GOLGA6L6: variants seen among roughly 807,000 people sequenced by gnomAD.
GOLGA6L6 encodes golgin subfamily A member 6-like protein 6.
In GOLGA6L6, 12 loss-of-function variants were observed where a neutral mutation model predicts 75.6. The ratio of observed to expected loss-of-function variants is 0.16; its 90% CI spans 0.10 to 0.26. The LOEUF is 0.26. Among genes scored for constraint, GOLGA6L6 ranks in the 10% least tolerant of loss-of-function variants. The pLI, the probability that GOLGA6L6 is intolerant of heterozygous loss-of-function variation, is 1.00. For missense variants in GOLGA6L6, 144 were observed against 598.5 expected (o/e 0.24, Z 7.92); for synonymous variants, 38 against 179.2 (o/e 0.21, Z 6.29).
rs1890482059 is a variant in GOLGA6L6, at chr15:20,541,763, C to G, written c.-54G>C. The stretch of plus-strand genomic sequence containing the variant: ...CAGTCACCTCTACGTCGCTGTGTGA[C>G]TGAGCCAGAGGAGGCGTAACCAGGG... On this transcript the variant is annotated 5_prime_UTR_variant, in exon 1 of 9. Coordinates refer to ENST00000619213, the MANE Select transcript of GOLGA6L6 (RefSeq NM_001145004.2). The G allele has an allele frequency of 5.2e-6, 2 of 388,048 alleles. No homozygotes were observed. Among genetic ancestry groups the G allele is most frequent in the Non-Finnish European group, 9.6e-6 (2 of 209,424 alleles). The allele number at this position is 388,048 out of a possible 1,614,324, so 24.0% of individuals were successfully genotyped here. A position where few individuals can be genotyped will look rare whatever the true frequency, so the allele number is the denominator to read the frequency against.
At chr15:20,538,612 G>A (rs1417538174) in intron 3 of GOLGA6L6, 24 bp downstream of exon 3, 2 of 1,133,630 alleles carry the variant, frequency 1.8e-6, no homozygotes, top group East Asian at 2.5e-5. Context: ...GAGGGCAGGA[G>A]GGAACTTCAC....
chr15:20,537,599 G>C (rs1277014830), intron 5 of GOLGA6L6, among the ~76,000 whole-genome samples: 2 of 147,322 alleles, frequency 1.4e-5, no homozygotes, highest in Non-Finnish European at 3.0e-5. Context: ...AAAAACATGC[G>C]GTATTAAAGG....
Position 20,534,850 on chromosome 15 carries a change from A to G in GOLGA6L6, c.1584T>C (p.His528=), listed in dbSNP as rs373146154. The change falls in exon 8 of 9, where the codon CAT becomes CAC. Residue 528 remains histidine, a synonymous_variant. Coordinates refer to ENST00000619213, the MANE Select transcript of GOLGA6L6 (RefSeq NM_001145004.2). ...CCTCCTCCCATATCTTCTCCTGCTCATGCATCTTCTCTTCCTCCCTCCACA... is the reference window on the plus strand; with the variant it reads ...CCTCCTCCCATATCTTCTCCTGCTCGTGCATCTTCTCTTCCTCCCTCCACA... ...EEMWREEEKM[H]EQEKIWEEEK... is the part of the protein sequence containing the mutation. 0.098 allele frequency: 90,953 copies of G among 928,962 alleles called. 3,065 individuals carry two copies. The highest frequency in any genetic ancestry group is 0.4 in the East Asian group (12,204 of 30,224). 57.5% of individuals were successfully genotyped at this position (928,962 alleles called of 1,614,324 possible).
chr15:20,536,244 C>T (rs1890367676), intron 7 of GOLGA6L6, 98 bp downstream of exon 7: 3 of 252,734 alleles, frequency 1.2e-5, no homozygotes, highest in Admixed American at 2.0e-4. Context: ...CCAAATTTTC[C>T]AGCTCTTGGC....
intron 5 of GOLGA6L6, among the ~76,000 whole-genome samples, chr15:20,537,544 C>G (rs1329101983): frequency 4.7e-5 from 7 of 148,400 alleles, no homozygotes; most frequent in Non-Finnish European, 9.0e-5. Flanking sequence ...ATCCTCACAA[C>G]CTCCATAGGA....
Position 20,534,484 on chromosome 15 carries a change from C to G in GOLGA6L6, c.1950G>C (p.Lys650Asn). ...GTATCTTCTTCTCCTGCTCCCTTAT[C>G]TTCTCCTCCTGCCTCCACATCGTCT... ...QEETMWRQEE[K>N]IREQEKKIRE... The change falls in exon 8 of 9, where the codon AAG (lysine) becomes AAC (asparagine). Residue 650 changes from lysine (K) to asparagine (N), a missense_variant. Transcript: ENST00000619213. 6.8e-7 allele frequency: 1 copy of G among 1,464,850 alleles called. No homozygotes were observed. Among genetic ancestry groups the G allele is most frequent in the Non-Finnish European group, 9.1e-7 (1 of 1,099,822 alleles). The allele number at this position is 1,464,850 out of a possible 1,614,324, so 90.7% of individuals were successfully genotyped here.
At chr15:20,533,721 G>A in intron 8 of GOLGA6L6, 119 bp from the exon 9 acceptor site, 1 of 21,648 alleles carries the variant, frequency 4.6e-5, no homozygotes, top group East Asian at 8.7e-4. Context: ...GGCCATCTCG[G>A]CCACCGCTTC....
At chr15:20,535,971 C>CG (rs1183296231) in intron 7 of GOLGA6L6, among the ~76,000 whole-genome samples, 1 of 57,808 alleles carries the variant, frequency 1.7e-5, no homozygotes, top group Non-Finnish European at 3.6e-5. Context: ...GGCGTGAAGC[C>CG]GGGGGGTGGA....
rs1370767894 is a variant in GOLGA6L6 at position 20,539,144 on chromosome 15, T to C, written c.292-458A>G. Among the ~76,000 whole-genome samples, 2 of 54,442 alleles carry C rather than the reference T, an allele frequency of 3.7e-5. 1 individual carries two copies. Among genetic ancestry groups the C allele is most frequent in the Non-Finnish European group, 7.5e-5 (2 of 26,716 alleles). 35.7% of individuals were successfully genotyped at this position (54,442 alleles called of 152,430 possible). A position where few individuals can be genotyped will look rare whatever the true frequency, so the allele number is the denominator to read the frequency against. On this transcript the variant is annotated intron_variant, in intron 2 of 8. Transcript: ENST00000619213. ...CCTCAACTCCCAAAGAAGAAGGATT[T>C]GGGTCTTTTTGGTTTTTGCCCACAG...
rs1279046442 is a variant in GOLGA6L6 at position 20,534,876 on chromosome 15, TCTC to T, written c.1555_1557del (p.Glu519del). On this transcript the variant is annotated inframe_deletion, in exon 8 of 9. Coordinates refer to ENST00000619213, the MANE Select transcript of GOLGA6L6 (RefSeq NM_001145004.2). Reference sequence around the variant, plus strand: ...TGCATCTTCTCTTCCTCCCTCCACATCTCCTCCTGCTCCCGTATCTTCTCCTCC... The same window carrying T: ...TGCATCTTCTCTTCCTCCCTCCACATCTCCTGCTCCCGTATCTTCTCCTCC... 7.9e-7 allele frequency: 1 copy of T among 1,269,408 alleles called. No individual in the cohort carries two copies. Among genetic ancestry groups the T allele is most frequent in the Admixed American group, 2.2e-5 (1 of 45,704 alleles). The allele number at this position is 1,269,408 out of a possible 1,614,324, so 78.6% of individuals were successfully genotyped here. A position where few individuals can be genotyped will look rare whatever the true frequency, so the allele number is the denominator to read the frequency against.
chr15:20,534,853 C>G lies in GOLGA6L6; in HGVS notation c.1581G>C (p.Met527Ile). The change falls in exon 8 of 9, where the codon ATG becomes ATC. Residue 527 changes from methionine to isoleucine, a missense_variant. Met to Ile is a conservative substitution (Grantham distance 10). Transcript: ENST00000619213. ...CCTCCCATATCTTCTCCTGCTCATGCATCTTCTCTTCCTCCCTCCACATCT... is the reference window on the plus strand; with the variant it reads ...CCTCCCATATCTTCTCCTGCTCATGGATCTTCTCTTCCTCCCTCCACATCT... ...QEEMWREEEK[M>I]HEQEKIWEEE... 8.2e-7 allele frequency: 1 copy of G among 1,216,020 alleles called. No homozygotes were observed. Among genetic ancestry groups the G allele is most frequent in the Non-Finnish European group, 1.1e-6 (1 of 869,968 alleles). 75.3% of individuals were successfully genotyped at this position (1,216,020 alleles called of 1,614,324 possible).
Position 20,534,590 on chromosome 15 carries a change from A to ATCTCCTCCTGCTCTCGTATCT in GOLGA6L6, c.1823_1843dup (p.Lys608_Glu614dup), listed in dbSNP as rs773626823. The ATCTCCTCCTGCTCTCGTATCT allele has an allele frequency of 2.7e-6, 4 of 1,500,916 alleles. No individual in the cohort carries two copies. The highest frequency in any genetic ancestry group is 2.1e-5 in the Admixed American group (1 of 46,672). The allele number at this position is 1,500,916 out of a possible 1,614,324, so 93.0% of individuals were successfully genotyped here. ...CATCTTCTCTTCCTGTTCCTGCGTC[A>ATCTCCTCCTGCTCTCGTATCT]TCTCCTCCTGCTCTCGTATCTTCTC... On this transcript the variant is annotated inframe_insertion, in exon 8 of 9. Transcript: ENST00000619213.
In GOLGA6L6 at chr15:20,534,437, C is replaced by G; in HGVS notation, c.1997G>C (p.Arg666Pro). The change falls in exon 8 of 9, where the codon CGA becomes CCA. Residue 666 changes from arginine (R) to proline (P), a missense_variant. Coordinates refer to ENST00000619213, the MANE Select transcript of GOLGA6L6 (RefSeq NM_001145004.2). ...KKIREQEEKIREQEEMMQEQE... is the reference protein window; with the variant it reads ...KKIREQEEKIPEQEEMMQEQE... The stretch of plus-strand genomic sequence containing the variant: ...TTCCTGCATCATCTCCTCCTGCTCT[C>G]GTATCTTCTCCTCCTGCTCCCGTAT... The G allele has an allele frequency of 7.0e-7, 1 of 1,425,428 alleles. No individual in the cohort carries two copies. The highest frequency in any genetic ancestry group is 9.4e-7 in the Non-Finnish European group (1 of 1,067,532). The allele number at this position is 1,425,428 out of a possible 1,614,324, so 88.3% of individuals were successfully genotyped here. A position where few individuals can be genotyped will look rare whatever the true frequency, so the allele number is the denominator to read the frequency against.
intron 7 of GOLGA6L6, among the ~76,000 whole-genome samples, chr15:20,535,977 G>A (rs1890362867): frequency 5.3e-5 from 3 of 57,130 alleles, no homozygotes; most frequent in African/African-American, 2.1e-4. Context: ...AAGCCGGGGG[G>A]TGGAGCTTGC....
intron 2 of GOLGA6L6, 64 bp from the exon 3 acceptor site, chr15:20,538,750 GC>G: frequency 2.2e-6 from 3 of 1,394,590 alleles, no homozygotes; most frequent in Non-Finnish European, 2.0e-6. Flanking sequence ...CAAGAGACAT[GC>G]CCCCAGAATG....
At position 20,532,606 on chromosome 15, in the gene GOLGA6L6, C is replaced by T. The variant is rs1452581372; in HGVS notation, c.*997G>A. The T allele has an allele frequency of 2.8e-5, 4 of 141,424 alleles. No individual in the cohort carries two copies. The highest frequency in any genetic ancestry group is 1.1e-4 in the African/African-American group (4 of 36,814). The allele number at this position is 141,424 out of a possible 1,614,324, so 8.8% of individuals were successfully genotyped here. The stretch of plus-strand genomic sequence containing the variant: ...TTACGGATTCGCCTCCCCACAAGAG[C>T]AGTTAGAAAAACTGGATAAAAATGT... On this transcript the variant is annotated 3_prime_UTR_variant, in exon 9 of 9. Coordinates refer to ENST00000619213, the MANE Select transcript of GOLGA6L6 (RefSeq NM_001145004.2).
At position 20,538,690 on chromosome 15, in the gene GOLGA6L6, T is replaced by A; in HGVS notation, c.292-4A>T. On this transcript the variant is annotated splice_polypyrimidine_tract_variant and splice_region_variant and intron_variant, in intron 2 of 8. Transcript: ENST00000619213. Reference sequence around the variant, plus strand: ...GTTGATGGCTTGCCTTCTGTTCCTATAGAAAGAGGAAAACAGAGCTCTTGC... The same window carrying A: ...GTTGATGGCTTGCCTTCTGTTCCTAAAGAAAGAGGAAAACAGAGCTCTTGC... 1 of 1,375,890 alleles carries A rather than the reference T, an allele frequency of 7.3e-7. No individual in the cohort carries two copies. Among genetic ancestry groups the A allele is most frequent in the Non-Finnish European group, 1.0e-6 (1 of 1,003,134 alleles). The allele number at this position is 1,375,890 out of a possible 1,614,324, so 85.2% of individuals were successfully genotyped here.
Position 20,536,469 on chromosome 15 carries a change from TC to T in GOLGA6L6, c.616del (p.Glu206SerfsTer2). 1.1e-6 allele frequency: 1 copy of T among 935,624 alleles called. No individual in the cohort carries two copies. Among genetic ancestry groups the T allele is most frequent in the Non-Finnish European group, 1.4e-6 (1 of 695,394 alleles). 58.0% of individuals were successfully genotyped at this position (935,624 alleles called of 1,614,324 possible). A position where few individuals can be genotyped will look rare whatever the true frequency, so the allele number is the denominator to read the frequency against. On this transcript the variant is annotated frameshift_variant, in exon 7 of 9. Coordinates refer to ENST00000619213, the MANE Select transcript of GOLGA6L6 (RefSeq NM_001145004.2). LOFTEE classifies it high-confidence loss of function. Reference sequence around the variant, plus strand: ...TAGTTCGGCATTTTTCTCCTTCAGCTCCTCATCAGTTATCCTATGGCCAGAG... The same window carrying T: ...TAGTTCGGCATTTTTCTCCTTCAGCTCTCATCAGTTATCCTATGGCCAGAG... ...ELYRNTITDE[E>X]LKEKNAELQE...
chr15:20,538,664 T>A lies in GOLGA6L6; in HGVS notation c.314A>T (p.His105Leu). The change falls in exon 3 of 9, where the codon CAT becomes CTT. Residue 105 changes from histidine (H) to leucine (L), a missense_variant. Coordinates refer to ENST00000619213, the MANE Select transcript of GOLGA6L6 (RefSeq NM_001145004.2). ...PEDEQKASHQ[H>L]QEALRRELEA... ...TAGCTCCCTCCTTAGGGCTTCCTGA[T>A]GTTGATGGCTTGCCTTCTGTTCCTA... is the stretch of plus-strand genomic sequence containing the variant. 1.8e-6 allele frequency: 2 copies of A among 1,112,810 alleles called. 1 individual carries two copies. Among genetic ancestry groups the A allele is most frequent in the South Asian group, 2.6e-5 (2 of 76,650 alleles). The allele number at this position is 1,112,810 out of a possible 1,614,324, so 68.9% of individuals were successfully genotyped here. A position where few individuals can be genotyped will look rare whatever the true frequency, so the allele number is the denominator to read the frequency against.
Sources: allele counts gnomAD v4.1 joint callset (sites outside exome capture counted in the v4.1 genomes callset), GRCh38; gene constraint gnomAD v4.1.1; transcripts MANE v1.5; gene names NCBI Gene and HGNC (gene_info 2026-07-23, HGNC 2026-07-21).